The following RIMKLB variants were observed in gnomAD, a reference collection of about 807,000 sequenced individuals.
RIMKLB encodes beta-citrylglutamate synthase B.
RIMKLB carries 7 observed loss-of-function variants against 32.0 expected under a neutral mutation model. That is an observed-to-expected ratio of 0.22 (90% CI 0.12 to 0.41). The LOEUF (loss-of-function observed/expected upper bound fraction) is 0.41, where lower values mean the gene tolerates loss of function less well. RIMKLB is among the 10% of genes least tolerant of loss of function. The probability of loss-of-function intolerance (pLI) is 1.00; values close to 1 mark genes in which losing one functional copy is unlikely to be tolerated. For missense variants in RIMKLB, 289 were observed against 498.7 expected, an observed-to-expected ratio of 0.58 and a Z score of 4.00; for synonymous variants, 172 against 185.1, an observed-to-expected ratio of 0.93 and a Z score of 0.57.
At chr12:8,772,779 T>C (rs1311313571) in intron 5 of RIMKLB, among the ~76,000 whole-genome samples, 1 of 152,200 alleles carries the variant, frequency 6.6e-6, no homozygotes, top group Admixed American at 6.5e-5. Flanking sequence ...AGTGAGAAAA[T>C]CAAGTTCTAC....
chr12:8,737,383 A>G (rs1947105725), intron 2 of RIMKLB, among the ~76,000 whole-genome samples: 1 of 151,966 alleles, frequency 6.6e-6, no homozygotes, highest in Admixed American at 6.6e-5. Context: ...CATTTTTGGT[A>G]AGAATATCAC....
intron 5 of RIMKLB, among the ~76,000 whole-genome samples, chr12:8,760,260 A>G (rs1376039706): frequency 6.6e-6 from 1 of 152,238 alleles, no homozygotes; most frequent in Non-Finnish European, 1.5e-5. Flanking sequence ...ATGTCCCTAC[A>G]AAGGACATGA....
chr12:8,687,492 C>T (rs1026408703), intron 1 of RIMKLB, among the ~76,000 whole-genome samples: 4 of 152,058 alleles, frequency 2.6e-5, no homozygotes, highest in Non-Finnish European at 5.9e-5. Flanking sequence ...ATACTTTTTC[C>T]TCTTTTCTTT....
chr12:8,731,573 A>G (rs887558656), intron 2 of RIMKLB, among the ~76,000 whole-genome samples: 2 of 151,996 alleles, frequency 1.3e-5, no homozygotes, highest in Admixed American at 1.3e-4. Context: ...TTGGTAAACA[A>G]TCTTTGCTGT....
upstream of RIMKLB, chr12:8,697,398 C>CCGGGCGG (rs1347499357): frequency 6.5e-6 from 1 of 152,914 alleles, no homozygotes; most frequent in African/African-American, 2.4e-5. Flanking sequence ...AGCGGAGACT[C>CCGGGCGG]CGGGCGGCGG....
chr12:8,685,514 C>T (rs1056726813), intron 1 of RIMKLB, among the ~76,000 whole-genome samples: 1 of 151,390 alleles, frequency 6.6e-6, no homozygotes, highest in Non-Finnish European at 1.5e-5. Flanking sequence ...AATATTGAGT[C>T]TGCCTTGGTT....
intron 2 of RIMKLB, among the ~76,000 whole-genome samples, chr12:8,736,875 G>A (rs367696243): frequency 2.6e-5 from 4 of 152,098 alleles, no homozygotes; most frequent in African/African-American, 9.7e-5. Context: ...GCAATGGCAC[G>A]ATCTCTGCTC....
chr12:8,772,709 T>C (rs1365434056), intron 5 of RIMKLB, among the ~76,000 whole-genome samples: 2 of 152,214 alleles, frequency 1.3e-5, no homozygotes, highest in African/African-American at 4.8e-5. Flanking sequence ...GGAACCAAGC[T>C]CTTCTTAAAG....
chr12:8,745,499 G>A (rs1947998450), intron 2 of RIMKLB, among the ~76,000 whole-genome samples: 1 of 151,534 alleles, frequency 6.6e-6, no homozygotes, highest in South Asian at 2.1e-4. Context: ...GGTTCAAGCA[G>A]TTCTTCTACC....
chr12:8,686,867 G>C (rs1037780478), intron 1 of RIMKLB, among the ~76,000 whole-genome samples: 15 of 152,182 alleles, frequency 9.9e-5, no homozygotes, highest in African/African-American at 3.1e-4. Flanking sequence ...TTTGGAGAGG[G>C]CGCCACACAG....
intron 5 of RIMKLB, among the ~76,000 whole-genome samples, chr12:8,772,695 T>C (rs1340886419): frequency 6.6e-6 from 1 of 152,236 alleles, no homozygotes; most frequent in Non-Finnish European, 1.5e-5. Flanking sequence ...TACACAGAGC[T>C]CTTGGAACCA....
At chr12:8,769,260 T>A (rs1029989377) in intron 5 of RIMKLB, among the ~76,000 whole-genome samples, 2 of 152,002 alleles carry the variant, frequency 1.3e-5, no homozygotes, top group African/African-American at 4.8e-5. Flanking sequence ...TGTCAGAGAA[T>A]GTGGCCTGTA....
intron 4 of RIMKLB, among the ~76,000 whole-genome samples, chr12:8,752,897 C>T (rs760967446): frequency 3.9e-5 from 6 of 152,136 alleles, no homozygotes; most frequent in Admixed American, 1.3e-4. Context: ...TCTGCCACCA[C>T]GCCCAGCTAC....
At chr12:8,749,744 T>G (rs139630074) in intron 2 of RIMKLB, 118 bp from the exon 3 acceptor site, 2 of 680,048 alleles carry the variant, frequency 2.9e-6, no homozygotes, top group East Asian at 2.7e-5. Flanking sequence ...CTATCCCAAT[T>G]TAATATTAAC....
chr12:8,691,609 GACAAACAA>G (rs374754000), intron 1 of RIMKLB, among the ~76,000 whole-genome samples: 1 of 151,936 alleles, frequency 6.6e-6, no homozygotes, highest in Non-Finnish European at 1.5e-5. Flanking sequence ...GTCTCAAAAA[GACAAACAA>G]ACAAACAAAA....
At chr12:8,736,152 T>C (rs1946984001) in intron 2 of RIMKLB, among the ~76,000 whole-genome samples, 1 of 152,206 alleles carries the variant, frequency 6.6e-6, no homozygotes, top group Non-Finnish European at 1.5e-5. Flanking sequence ...GGAAAACCAT[T>C]GTTAGTTCTA....
chr12:8,748,590 T>C lies in RIMKLB; in HGVS notation c.176-1272T>C, dbSNP rs545070375. On this transcript the variant is annotated intron_variant, in intron 2 of 5. Transcript: ENST00000535829. ...TATATATACACAAAATTTATATTCA[T>C]ACACAATTTATATATTTTTTATATA... Among the ~76,000 whole-genome samples, 162 of 148,076 alleles carry C rather than the reference T, an allele frequency of 1.1e-3. 1 individual carries two copies. The highest frequency in any genetic ancestry group is 1.8e-3 in the Admixed American group (27 of 14,800).
intron 2 of RIMKLB, among the ~76,000 whole-genome samples, chr12:8,746,662 G>T (rs1458206886): frequency 6.6e-6 from 1 of 151,690 alleles, no homozygotes; most frequent in Non-Finnish European, 1.5e-5. Context: ...TGAGGAGAAT[G>T]GTGTTAGCCA....
upstream of RIMKLB, among the ~76,000 whole-genome samples, chr12:8,677,313 G>A: frequency 6.6e-6 from 1 of 152,146 alleles, no homozygotes. Flanking sequence ...TGAAATATGT[G>A]TGAATCATCC....
Sources: allele counts gnomAD v4.1 joint callset (sites outside exome capture counted in the v4.1 genomes callset), GRCh38; gene constraint gnomAD v4.1.1; transcripts MANE v1.5; gene names NCBI Gene and HGNC (gene_info 2026-07-23, HGNC 2026-07-21).